Variants in CEP192 observed in about 807,000 individuals in gnomAD.
CEP192 encodes the protein centrosomal protein of 192 kDa.
CEP192 carries 151 observed loss-of-function variants against 271.8 expected under a neutral mutation model. The observed-to-expected ratio is 0.56, with a 90% CI of 0.49 to 0.64. CEP192 has a LOEUF of 0.64. Ranked by LOEUF, CEP192 falls within the 30% of genes least tolerant of loss-of-function variation. CEP192 has a pLI of 0.00. For missense variants in CEP192, 2,910 were observed against 3,020.5 expected, an observed-to-expected ratio of 0.96 and a Z score of 0.86; for synonymous variants, 995 against 1,076.5, an observed-to-expected ratio of 0.92 and a Z score of 1.48.
intron 5 of CEP192, 110 bp from the exon 6 acceptor site, chr18:13,015,218 T>C (rs1442524889): frequency 1.0e-5 from 10 of 975,036 alleles, no homozygotes; most frequent in African/African-American, 8.3e-5. Flanking sequence ...GATTTACAGA[T>C]ACTGAACACA....
At chr18:13,107,655 A>C (rs2040017838) in intron 40 of CEP192, among the ~76,000 whole-genome samples, 3 of 152,208 alleles carry the variant, frequency 2.0e-5, no homozygotes, top group African/African-American at 7.2e-5. Context: ...CATATGCCCA[A>C]GGTATGTATG....
chr18:13,057,586 G>A lies in CEP192; in HGVS notation c.4110G>A (p.Gly1370=). The A allele has an allele frequency of 6.2e-7, 1 of 1,613,864 alleles. No homozygotes were observed. The highest frequency in any genetic ancestry group is 8.5e-7 in the Non-Finnish European group (1 of 1,179,878). ...TGACTGTGCCTTATTCTCACCCAGG[G>A]AGTGTCCGAGTGCCCGAGGAGTTGA... ...PWDSGVTSGL[G]SVRVPEELKL... Residue 1370 remains glycine, a splice_region_variant and synonymous_variant, in exon 20 of 45, where the codon GGG becomes GGA. Coordinates refer to ENST00000506447, the MANE Select transcript of CEP192 (RefSeq NM_032142.4).
chr18:13,057,805 T>G, intron 20 of CEP192, 72 bp downstream of exon 20: 2 of 1,440,246 alleles, frequency 1.4e-6, no homozygotes, highest in Non-Finnish European at 1.9e-6. Flanking sequence ...CCCCCATCTC[T>G]AGTGCTAGGT....
Position 13,057,485 on chromosome 18 carries a change from A to C in CEP192, c.4109-100A>C, listed in dbSNP as rs936856049. ...AGCACTTTGACTCTAGCTCTGTGTA[A>C]ACAGGCCATCTTATAAACTCATTGC... On this transcript the variant is annotated intron_variant, in intron 19 of 44. Transcript: ENST00000506447. 5.7e-5 allele frequency: 78 copies of C among 1,357,418 alleles called. 2 individuals carry two copies. The Admixed American group carries it at 1.5e-3, about 26-fold the overall frequency. The allele number at this position is 1,357,418 out of a possible 1,614,324, so 84.1% of individuals were successfully genotyped here.
intron 30 of CEP192, among the ~76,000 whole-genome samples, chr18:13,078,029 G>A (rs1235808757): frequency 6.6e-6 from 1 of 152,130 alleles, no homozygotes; most frequent in East Asian, 1.9e-4. Flanking sequence ...GTGGTTTGCT[G>A]CACACATCTA....
Position 13,056,010 on chromosome 18 carries a change from T to C in CEP192, c.3420T>C (p.Pro1140=), listed in dbSNP as rs962944671. 3.1e-6 allele frequency: 5 copies of C among 1,614,098 alleles called. No individual in the cohort carries two copies. Among genetic ancestry groups the C allele is most frequent in the Non-Finnish European group, 4.2e-6 (5 of 1,180,052 alleles). ...CTGACTTTAGATGGAGTAAAGATCC[T>C]TCCTCCAAAAGTGGAAATCTGTTGG... ...VKPDFRWSKD[P]SSKSGNLLET... The change falls in exon 19 of 45, where the codon CCT becomes CCC. Residue 1140 remains proline (P), a synonymous_variant. Coordinates refer to ENST00000506447, the MANE Select transcript of CEP192 (RefSeq NM_032142.4).
intron 17 of CEP192, among the ~76,000 whole-genome samples, chr18:13,052,056 A>C (rs188145451): frequency 6.6e-6 from 1 of 152,174 alleles, no homozygotes; most frequent in East Asian, 1.9e-4. Flanking sequence ...GCTCTTTTGC[A>C]CTGTGACTTT....
chr18:13,119,916 T>C (rs1422741997), intron 44 of CEP192, among the ~76,000 whole-genome samples: 2 of 152,254 alleles, frequency 1.3e-5, no homozygotes, highest in African/African-American at 2.4e-5. Context: ...TGTCAAATTA[T>C]GGCTTTATGT....
At chr18:13,064,501 A>C (rs920455999) in intron 21 of CEP192, among the ~76,000 whole-genome samples, 2 of 151,770 alleles carry the variant, frequency 1.3e-5, no homozygotes, top group Non-Finnish European at 2.9e-5. Context: ...AGTCCCAGCT[A>C]CTTGGGAGGC....
In CEP192 at chr18:13,068,955, A is replaced by T. The variant is rs1416864670; in HGVS notation, c.4926A>T (p.Ala1642=). 6.8e-6 allele frequency: 11 copies of T among 1,614,218 alleles called. No homozygotes were observed. Among genetic ancestry groups the T allele is most frequent in the Non-Finnish European group, 9.3e-6 (11 of 1,180,030 alleles). Residue 1642 remains alanine (A), a synonymous_variant, in exon 25 of 45, where the codon GCA becomes GCT. Transcript: ENST00000506447. ...GAAGTGTGAGTCTCCGAGCAAGAGCAGGAATAGCTAGGATCCATGCTCCCA... is the reference window on the plus strand; with the variant it reads ...GAAGTGTGAGTCTCCGAGCAAGAGCTGGAATAGCTAGGATCCATGCTCCCA... ...VLRSVSLRAR[A]GIARIHAPRD... is the part of the protein sequence containing the mutation.
chr18:13,057,651 CCCT>C lies in CEP192; in HGVS notation c.4180_4182del (p.Leu1394del). 6.2e-7 allele frequency: 1 copy of C among 1,614,130 alleles called. No homozygotes were observed. Among genetic ancestry groups the C allele is most frequent in the Non-Finnish European group, 8.5e-7 (1 of 1,180,000 alleles). ...TGCTGTGTCGGGATCGCTTCCCAGACCCTCCTCAGTGTGCTTAATCCAACTGAC... is the reference window on the plus strand; with the variant it reads ...TGCTGTGTCGGGATCGCTTCCCAGACCCTCAGTGTGCTTAATCCAACTGAC... On this transcript the variant is annotated inframe_deletion, in exon 20 of 45. Coordinates refer to ENST00000506447, the MANE Select transcript of CEP192 (RefSeq NM_032142.4).
At position 13,087,568 on chromosome 18, in the gene CEP192, T is replaced by A; in HGVS notation, c.5915T>A (p.Ile1972Asn). The A allele has an allele frequency of 1.3e-6, 2 of 1,571,358 alleles. No individual in the cohort carries two copies. The highest frequency in any genetic ancestry group is 1.7e-6 in the Non-Finnish European group (2 of 1,154,362). The stretch of plus-strand genomic sequence containing the variant: ...ATATATAATCCATCAGACAGAGGAA[T>A]CAATAATAAAACTGCAACAGAACTA... ...TLIYNPSDRG[I>N]NNKTATELST... Residue 1972 changes from isoleucine to asparagine, a missense_variant, in exon 32 of 45, where the codon ATC (isoleucine) becomes AAC (asparagine). Coordinates refer to ENST00000506447, the MANE Select transcript of CEP192 (RefSeq NM_032142.4).
intron 2 of CEP192, 146 bp downstream of exon 2, chr18:12,999,734 CAG>C: frequency 1.9e-6 from 1 of 532,540 alleles, no homozygotes; most frequent in African/African-American, 2.0e-5. Flanking sequence ...ATAGAAAAGA[CAG>C]AATTTACTGT....
chr18:13,092,489 C>G lies in CEP192; in HGVS notation c.6216C>G (p.Phe2072Leu). 6.2e-7 allele frequency: 1 copy of G among 1,608,636 alleles called. No homozygotes were observed. The stretch of plus-strand genomic sequence containing the variant: ...GAGATTGCATTTCTAGCAGAGAATT[C>G]CTTCAGCCTTCTTCCAAAGCTAGCT... ...EFRDCISSRE[F>L]LQPSSKASLE... The change falls in exon 34 of 45, where the codon TTC (phenylalanine) becomes TTG (leucine). Residue 2072 changes from phenylalanine to leucine, a missense_variant. By Grantham distance (22) the Phe-to-Leu change is conservative. Transcript: ENST00000506447.
At chr18:13,066,045 A>G (rs557740470) in intron 21 of CEP192, among the ~76,000 whole-genome samples, 1 of 152,276 alleles carries the variant, frequency 6.6e-6, no homozygotes, top group Non-Finnish European at 1.5e-5. Context: ...TACCGTCTGA[A>G]CTCAAATAGT....
intron 6 of CEP192, 102 bp downstream of exon 6, chr18:13,015,550 C>G (rs2034595877): frequency 1.7e-6 from 2 of 1,151,018 alleles, no homozygotes; most frequent in Non-Finnish European, 2.5e-6. Context: ...GGTTTTTTGT[C>G]CTTACCTTTT....
intron 21 of CEP192, among the ~76,000 whole-genome samples, chr18:13,063,214 T>C (rs2037503871): frequency 6.6e-6 from 1 of 152,220 alleles, no homozygotes; most frequent in South Asian, 2.1e-4. Flanking sequence ...TGATTTCCTT[T>C]CTTTTGGGTA....
In CEP192 at chr18:13,055,880, A is replaced by G. The variant is rs751011706; in HGVS notation, c.3290A>G (p.Gln1097Arg). 6.2e-7 allele frequency: 1 copy of G among 1,613,792 alleles called. No homozygotes were observed. The change falls in exon 19 of 45, where the codon CAG (glutamine) becomes CGG (arginine). Residue 1097 changes from glutamine to arginine, a missense_variant. Physicochemically the swap from Gln to Arg is conservative, Grantham distance 43. Transcript: ENST00000506447. ...MEKLREKVPF[Q>R]NRGKGTLSSI... The stretch of plus-strand genomic sequence containing the variant: ...AAATTGAGAGAAAAAGTTCCATTTC[A>G]GAATAGAGGAAAAGGAACATTATCA...
chr18:13,059,412 G>A (rs112934108), intron 21 of CEP192, 100 bp downstream of exon 21: 2 of 889,120 alleles, frequency 2.2e-6, no homozygotes, highest in Middle Eastern at 2.2e-4. Context: ...GTGGACGAAG[G>A]TGCCACAAAA....
Sources: allele counts gnomAD v4.1 joint callset (sites outside exome capture counted in the v4.1 genomes callset), GRCh38; gene constraint gnomAD v4.1.1; transcripts MANE v1.5; gene names NCBI Gene and HGNC (gene_info 2026-07-23, HGNC 2026-07-21).